Variants in ADAM15 observed in about 807,000 individuals in gnomAD.
The protein encoded by ADAM15 is ADAM metallopeptidase domain 15, also known as disintegrin and metalloproteinase domain-containing protein 15.
Under a neutral mutation model 113.8 loss-of-function variants are expected in ADAM15, and 77 were observed. That is an observed-to-expected ratio of 0.68 (90% CI 0.56 to 0.82). ADAM15 has a LOEUF of 0.82. ADAM15 is among the 40% of genes least tolerant of loss of function. The probability of loss-of-function intolerance (pLI) is 0.00; values close to 1 mark genes in which losing one functional copy is unlikely to be tolerated. For missense variants in ADAM15, 963 were observed against 1,120.1 expected (o/e 0.86, Z 2.00); for synonymous variants, 388 against 454.1 (o/e 0.85, Z 1.85).
Position 155,057,102 on chromosome 1 carries a change from G to GT in ADAM15, c.1148+2dup, listed in dbSNP as rs1444690035. On this transcript the variant is annotated splice_donor_variant, in intron 11 of 22. Transcript: ENST00000356955. LOFTEE classifies it high-confidence loss of function. The surrounding 1 kb of genome is among the most constrained non-coding windows in gnomAD (Gnocchi z 5.0). ...CCTGCATCATGGAGGCCTCCACAGA[G>GT]TAAGTAGCTGCAGGATGGAGAGAGG... 9.6e-6 allele frequency: 15 copies of GT among 1,569,676 alleles called. No homozygotes were observed. Among genetic ancestry groups the GT allele is most frequent in the Non-Finnish European group, 1.3e-5 (15 of 1,155,904 alleles).
intron 2 of ADAM15, 25 bp downstream of exon 2, chr1:155,052,802 A>C: frequency 1.3e-6 from 2 of 1,589,000 alleles, no homozygotes; most frequent in Non-Finnish European, 1.7e-6. Flanking sequence ...CCCTCTAATA[A>C]ATAAACGAAT....
chr1:155,055,803 T>A lies in ADAM15; in HGVS notation c.626T>A (p.Val209Glu). ...QRHIRRRRDV[V>E]TETKTVELVI... Reference sequence around the variant, plus strand: ...TGTCCATAGTAGAGGCGGGATGTGGTAACAGAGACCAAGACTGTGGAGTTG... The same window carrying A: ...TGTCCATAGTAGAGGCGGGATGTGGAAACAGAGACCAAGACTGTGGAGTTG... The change falls in exon 7 of 23, where the codon GTA becomes GAA. Residue 209 changes from valine to glutamate, a missense_variant. Val to Glu is a moderately radical substitution (Grantham distance 121). Coordinates refer to ENST00000356955, the MANE Select transcript of ADAM15 (RefSeq NM_207197.3). 1.2e-6 allele frequency: 2 copies of A among 1,614,148 alleles called. No individual in the cohort carries two copies. Among genetic ancestry groups the A allele is most frequent in the Non-Finnish European group, 1.7e-6 (2 of 1,180,032 alleles).
At chr1:155,053,344 G>T in intron 2 of ADAM15, 73 bp from the exon 3 acceptor site, 1 of 1,411,214 alleles carries the variant, frequency 7.1e-7, no homozygotes. Context: ...CTGTGGGCCT[G>T]AGGTTTTCTG....
chr1:155,054,592 C>T (rs1251683744), intron 6 of ADAM15, 86 bp downstream of exon 6: 2 of 1,382,116 alleles, frequency 1.4e-6, no homozygotes, highest in Admixed American at 2.7e-5. Flanking sequence ...ACAGTAACAA[C>T]AGCTCCTGCG....
In ADAM15 at chr1:155,057,885, G is replaced by C. The variant is rs779459323; in HGVS notation, c.1451G>C (p.Arg484Thr). The C allele has an allele frequency of 6.2e-7, 1 of 1,613,290 alleles. No individual in the cohort carries two copies. Among genetic ancestry groups the C allele is most frequent in the Non-Finnish European group, 8.5e-7 (1 of 1,180,012 alleles). ...RPSGWQCRPT[R>T]GDCDLPEFCP... The stretch of plus-strand genomic sequence containing the variant: ...TCTGGCTGGCAGTGTCGTCCTACCA[G>C]AGGGGATTGTGACTTGCCTGAATTC... Residue 484 changes from arginine (R) to threonine (T), a missense_variant, in exon 14 of 23, where the codon AGA becomes ACA. Transcript: ENST00000356955. This position sits in a 1 kb window ranked among gnomAD's most constrained non-coding sequence, Gnocchi z 5.0.
Position 155,062,648 on chromosome 1 carries a change from ACT to A in ADAM15, c.*149_*150del. ...GCACCGCCACGCGCTGTCAAGCAAC[ACT>A]CTGCGGACCTGCCGGCGTAGTTGCA... On this transcript the variant is annotated 3_prime_UTR_variant, in exon 23 of 23. Coordinates refer to ENST00000356955, the MANE Select transcript of ADAM15 (RefSeq NM_207197.3). This position sits in a 1 kb window ranked among gnomAD's most constrained non-coding sequence, Gnocchi z 7.0. 8.7e-7 allele frequency: 1 copy of A among 1,144,992 alleles called. No individual in the cohort carries two copies. The highest frequency in any genetic ancestry group is 1.2e-6 in the Non-Finnish European group (1 of 818,464). 70.9% of individuals were successfully genotyped at this position (1,144,992 alleles called of 1,614,324 possible). A position where few individuals can be genotyped will look rare whatever the true frequency, so the allele number is the denominator to read the frequency against.
chr1:155,054,830 A>G (rs1028015458), intron 6 of ADAM15, among the ~76,000 whole-genome samples: 2 of 152,156 alleles, frequency 1.3e-5, no homozygotes, highest in Admixed American at 6.6e-5. Context: ...AGATCGAGCC[A>G]CTACACACCA....
chr1:155,053,872 G>C (rs771177855), intron 3 of ADAM15, 38 bp from the exon 4 acceptor site: 20 of 1,605,456 alleles, frequency 1.2e-5, no homozygotes, highest in Admixed American at 6.7e-5. Flanking sequence ...GACCTGGGAA[G>C]TGGCTTTAGC....
chr1:155,056,554 A>C lies in ADAM15; in HGVS notation c.999+84A>C, dbSNP rs1044793306. 3 of 1,375,202 alleles carry C rather than the reference A, an allele frequency of 2.2e-6. No individual in the cohort carries two copies. Among genetic ancestry groups the C allele is most frequent in the Non-Finnish European group, 3.0e-6 (3 of 984,806 alleles). 85.2% of individuals were successfully genotyped at this position (1,375,202 alleles called of 1,614,324 possible). A position where few individuals can be genotyped will look rare whatever the true frequency, so the allele number is the denominator to read the frequency against. On this transcript the variant is annotated intron_variant, in intron 10 of 22. Coordinates refer to ENST00000356955, the MANE Select transcript of ADAM15 (RefSeq NM_207197.3). This position sits in a 1 kb window ranked among gnomAD's most constrained non-coding sequence, Gnocchi z 4.0. ...CATTTATGCACTGAAACCCCCCTAT[A>C]AAGTTGCCCAACCCCAAAGCTACAG...
intron 1 of ADAM15, 188 bp downstream of exon 1, chr1:155,051,653 G>A (rs997195871): frequency 1.2e-5 from 6 of 496,944 alleles, no homozygotes; most frequent in Non-Finnish European, 2.0e-5. Flanking sequence ...GAGAAGGAGG[G>A]GGGATGCCGG....
rs1466861097 is a variant in ADAM15, at chr1:155,056,184, C to T, written c.849C>T (p.Asn283=). ...CAAACCCAGCTGTCACCCTCGAAAA[C>T]TTCCTCCACTGGCGCAGGGCACATT... ...ISPNPAVTLE[N]FLHWRRAHLL... is the part of the protein sequence containing the mutation. Residue 283 remains asparagine (N), a synonymous_variant, in exon 9 of 23, where the codon AAC becomes AAT. Transcript: ENST00000356955. This position sits in a 1 kb window ranked among gnomAD's most constrained non-coding sequence, Gnocchi z 4.0. 10 of 1,614,116 alleles carry T rather than the reference C, an allele frequency of 6.2e-6. No homozygotes were observed. The highest frequency in any genetic ancestry group is 8.5e-6 in the Non-Finnish European group (10 of 1,180,042).
chr1:155,060,903 G>A lies in ADAM15; in HGVS notation c.2277+71G>A, dbSNP rs1378923222. On this transcript the variant is annotated intron_variant, in intron 19 of 22. Transcript: ENST00000356955. ...ATCCAGCTTGGGCCCTGGGGGGTGC[G>A]CATTAAAGGCTCCAGACTCAGAGAA... 1.8e-5 allele frequency: 25 copies of A among 1,407,688 alleles called. 1 individual carries two copies. Among genetic ancestry groups the A allele is most frequent in the South Asian group, 1.0e-4 (9 of 85,992 alleles). 87.2% of individuals were successfully genotyped at this position (1,407,688 alleles called of 1,614,324 possible). A position where few individuals can be genotyped will look rare whatever the true frequency, so the allele number is the denominator to read the frequency against.
Position 155,060,283 on chromosome 1 carries a change from G to GGTACC in ADAM15, c.2150_2154dup (p.Ala719ThrfsTer88). The GGTACC allele has an allele frequency of 6.2e-7, 1 of 1,614,046 alleles. No homozygotes were observed. Among genetic ancestry groups the GGTACC allele is most frequent in the Non-Finnish European group, 8.5e-7 (1 of 1,179,986 alleles). ...CTGGTGATGCTTGGTGCCAGCTACT[G>GGTACC]GTACCGTGCCCGCCTGCACCAGCGA... On this transcript the variant is annotated frameshift_variant, in exon 18 of 23. Transcript: ENST00000356955. LOFTEE classifies it high-confidence loss of function.
chr1:155,056,565 A>G lies in ADAM15; in HGVS notation c.999+95A>G, dbSNP rs1165564876. The stretch of plus-strand genomic sequence containing the variant: ...TGAAACCCCCCTATAAAGTTGCCCA[A>G]CCCCAAAGCTACAGGTATAGAGGGT... On this transcript the variant is annotated intron_variant, in intron 10 of 22. Coordinates refer to ENST00000356955, the MANE Select transcript of ADAM15 (RefSeq NM_207197.3). The surrounding 1 kb of genome is among the most constrained non-coding windows in gnomAD (Gnocchi z 4.0). 6 of 1,242,758 alleles carry G rather than the reference A, an allele frequency of 4.8e-6. No individual in the cohort carries two copies. In the East Asian group the frequency reaches 1.4e-4, roughly 30 times the overall value. 77.0% of individuals were successfully genotyped at this position (1,242,758 alleles called of 1,614,324 possible).
At chr1:155,054,591 A>G (rs1661516141) in intron 6 of ADAM15, 85 bp downstream of exon 6, 16 of 1,387,782 alleles carry the variant, frequency 1.2e-5, no homozygotes, top group Non-Finnish European at 1.5e-5. Context: ...CACAGTAACA[A>G]CAGCTCCTGC....
intron 17 of ADAM15, 38 bp downstream of exon 17, chr1:155,060,012 CA>C (rs763178481): frequency 6.2e-7 from 1 of 1,609,408 alleles, no homozygotes; most frequent in South Asian, 1.1e-5. Context: ...GCTGGGAGGG[CA>C]AAGCGTCTCA....
At chr1:155,061,826 A>C in intron 20 of ADAM15, 78 bp from the exon 21 acceptor site, 1 of 1,414,980 alleles carries the variant, frequency 7.1e-7, no homozygotes. Flanking sequence ...TGTTGACTTG[A>C]ACCCCTCTGG....
chr1:155,060,000 C>G, intron 17 of ADAM15, 26 bp downstream of exon 17: 1 of 1,612,698 alleles, frequency 6.2e-7, no homozygotes, highest in Non-Finnish European at 8.5e-7. Flanking sequence ...GGGACAGGGG[C>G]AGCTGGGAGG....
intron 19 of ADAM15, 23 bp downstream of exon 19, chr1:155,060,855 A>G: frequency 6.2e-7 from 1 of 1,602,062 alleles, no homozygotes; most frequent in Admixed American, 1.7e-5. Flanking sequence ...TGCCAGAGGA[A>G]GGGGACTCCA....
Sources: allele counts gnomAD v4.1 joint callset (sites outside exome capture counted in the v4.1 genomes callset), GRCh38; gene constraint gnomAD v4.1.1; non-coding constraint Gnocchi (gnomAD v3.1); transcripts MANE v1.5; gene names NCBI Gene and HGNC (gene_info 2026-07-23, HGNC 2026-07-21).